EBF2: variants seen among roughly 807,000 people sequenced by gnomAD.
EBF2 encodes the protein EBF transcription factor 2, also known as transcription factor COE2.
In EBF2, 21 loss-of-function variants were observed where a neutral mutation model predicts 72.8. The ratio of observed to expected loss-of-function variants is 0.29; its 90% CI spans 0.20 to 0.42. EBF2 has a LOEUF of 0.42. Among genes scored for constraint, EBF2 ranks in the 10% least tolerant of loss-of-function variants. EBF2 has a pLI of 1.00. For synonymous variants in EBF2, 299 were observed against 274.2 expected (o/e 1.09, Z -0.89); for missense variants, 637 against 731.2 (o/e 0.87, Z 1.49).
chr8:25,987,903 A>G (rs1351274377), intron 6 of EBF2, among the ~76,000 whole-genome samples: 5 of 152,092 alleles, frequency 3.3e-5, no homozygotes, highest in Non-Finnish European at 5.9e-5. Flanking sequence ...CAAAACTCAT[A>G]ATCATCTTCA....
At chr8:26,026,518 T>C (rs2117250254) in intron 6 of EBF2, among the ~76,000 whole-genome samples, 1 of 152,190 alleles carries the variant, frequency 6.6e-6, no homozygotes, top group Admixed American at 6.5e-5. Flanking sequence ...CCAACACAGG[T>C]CTTCTGGTCC....
chr8:25,896,290 C>T (rs1177802280), intron 7 of EBF2, among the ~76,000 whole-genome samples: 1 of 152,200 alleles, frequency 6.6e-6, no homozygotes, highest in African/African-American at 2.4e-5. Context: ...TAGTCAGACA[C>T]AGTTCCCCAC....
At chr8:25,910,633 A>G (rs1193200296) in intron 6 of EBF2, among the ~76,000 whole-genome samples, 1 of 152,214 alleles carries the variant, frequency 6.6e-6, no homozygotes, top group African/African-American at 2.4e-5. Flanking sequence ...GATTTAGGGA[A>G]ACATGGAGCC....
intron 6 of EBF2, among the ~76,000 whole-genome samples, chr8:25,984,518 C>A (rs1016004165): frequency 1.1e-4 from 17 of 152,110 alleles, no homozygotes; most frequent in African/African-American, 4.1e-4. Flanking sequence ...CCCGTCTCTA[C>A]CAAAAATTTA....
intron 5 of EBF2, among the ~76,000 whole-genome samples, chr8:26,035,889 C>T (rs1805493896): frequency 6.6e-6 from 1 of 152,116 alleles, no homozygotes; most frequent in East Asian, 1.9e-4. Flanking sequence ...TCCCTACCCC[C>T]CACCCATTTC....
At chr8:25,924,390 G>A (rs900958540) in intron 6 of EBF2, among the ~76,000 whole-genome samples, 1 of 152,168 alleles carries the variant, frequency 6.6e-6, no homozygotes, top group African/African-American at 2.4e-5. Flanking sequence ...CAGAGCTCAG[G>A]CAAGTGACCC....
At chr8:25,912,497 CAA>C (rs1803145430) in intron 6 of EBF2, among the ~76,000 whole-genome samples, 2 of 132,236 alleles carry the variant, frequency 1.5e-5, no homozygotes, top group African/African-American at 3.0e-5. Context: ...CACACACACA[CAA>C]CAGGAAGAAT....
At chr8:25,962,584 G>A (rs1051639598) in intron 6 of EBF2, among the ~76,000 whole-genome samples, 3 of 151,816 alleles carry the variant, frequency 2.0e-5, no homozygotes, top group Non-Finnish European at 4.4e-5. Context: ...ACATCAACAT[G>A]TTTTCCTCAG....
At chr8:25,891,871 C>A (rs1034927385) in intron 7 of EBF2, among the ~76,000 whole-genome samples, 2 of 152,114 alleles carry the variant, frequency 1.3e-5, no homozygotes, top group Admixed American at 1.3e-4. Flanking sequence ...AGCCACAGCT[C>A]CCAGCCCTAC....
At chr8:25,916,200 C>T (rs1470253345) in intron 6 of EBF2, among the ~76,000 whole-genome samples, 3 of 149,588 alleles carry the variant, frequency 2.0e-5, no homozygotes, top group Non-Finnish European at 4.4e-5. Context: ...ACACGAGAAT[C>T]ACTTGAATCT....
intron 6 of EBF2, among the ~76,000 whole-genome samples, chr8:25,976,795 G>T (rs950540891): frequency 3.3e-5 from 5 of 151,924 alleles, no homozygotes; most frequent in African/African-American, 1.2e-4. Context: ...GGTAAACATG[G>T]ACTCTTAAGC....
At chr8:26,038,713 C>T (rs1805547324) in intron 5 of EBF2, among the ~76,000 whole-genome samples, 6 of 152,240 alleles carry the variant, frequency 3.9e-5, no homozygotes, top group African/African-American at 4.8e-5. Context: ...TATCTTCTTA[C>T]TCCTCCCAAT....
intron 6 of EBF2, among the ~76,000 whole-genome samples, chr8:26,024,333 A>G (rs1585231894): frequency 6.7e-6 from 1 of 148,996 alleles, no homozygotes; most frequent in African/African-American, 2.5e-5. Flanking sequence ...ATAGCATCCT[A>G]GTCTATGCAA....
chr8:25,900,602 A>G (rs1275117117), intron 7 of EBF2, among the ~76,000 whole-genome samples: 5 of 152,136 alleles, frequency 3.3e-5, no homozygotes, highest in Non-Finnish European at 5.9e-5. Flanking sequence ...ATTCTGGTGG[A>G]CCTAATCTAA....
chr8:26,044,622 G>C lies in EBF2; in HGVS notation c.131+107C>G, dbSNP rs1480638693. The C allele has an allele frequency of 2.7e-6, 4 of 1,482,748 alleles. No homozygotes were observed. The highest frequency in any genetic ancestry group is 2.3e-5 in the East Asian group (1 of 43,620). 91.8% of individuals were successfully genotyped at this position (1,482,748 alleles called of 1,614,324 possible). On this transcript the variant is annotated intron_variant, in intron 1 of 15. Coordinates refer to ENST00000520164, the MANE Select transcript of EBF2 (RefSeq NM_022659.4). This position sits in a 1 kb window ranked among gnomAD's most constrained non-coding sequence, Gnocchi z 4.1. The stretch of plus-strand genomic sequence containing the variant: ...GCGCGCAGGGCCTGGGCGACAGATG[G>C]GGGGACAGGGAGAGAGAAAGGCACG...
At chr8:25,871,974 G>T (rs190728562) in intron 10 of EBF2, among the ~76,000 whole-genome samples, 27 of 149,134 alleles carry the variant, frequency 1.8e-4, no homozygotes, top group Non-Finnish European at 1.2e-4. Context: ...AAAAAAAAAA[G>T]CTGGCTGGTG....
At chr8:25,966,859 CACA>C (rs1440094096) in intron 6 of EBF2, among the ~76,000 whole-genome samples, 2 of 152,196 alleles carry the variant, frequency 1.3e-5, no homozygotes, top group Non-Finnish European at 2.9e-5. Context: ...AAGCTACAGC[CACA>C]ACAAGCTGTG....
intron 6 of EBF2, among the ~76,000 whole-genome samples, chr8:26,006,514 T>G (rs1804884787): frequency 6.6e-6 from 1 of 152,240 alleles, no homozygotes; most frequent in Admixed American, 6.5e-5. Context: ...TTCATGGATG[T>G]AGGGTTGTAA....
Position 26,044,161 on chromosome 8 carries a change from T to TC in EBF2, c.131+567dup, listed in dbSNP as rs906302672. ...CTTTGAGCCGGGACCCTCCAGCCTG[T>TC]CCCCCCTCCCAGAGCTCCCGGCCGC... is the stretch of plus-strand genomic sequence containing the variant. On this transcript the variant is annotated intron_variant, in intron 1 of 15. Transcript: ENST00000520164. This position sits in a 1 kb window ranked among gnomAD's most constrained non-coding sequence, Gnocchi z 4.1. Among the ~76,000 whole-genome samples the TC allele has an allele frequency of 2.0e-5, 3 of 152,298 alleles. No homozygotes were observed. The highest frequency in any genetic ancestry group is 2.1e-4 in the South Asian group (1 of 4,830).
Sources: gnomAD v4.1 joint callset for allele counts (sites outside exome capture counted in the v4.1 genomes callset) on GRCh38, gnomAD v4.1.1 for gene constraint, Gnocchi (gnomAD v3.1) non-coding constraint, MANE v1.5 for transcripts, NCBI Gene and HGNC (gene_info 2026-07-23, HGNC 2026-07-21) for gene names.